NHERF4: variants seen among roughly 807,000 people sequenced by gnomAD.
NHERF4 encodes the protein NHERF family PDZ scaffold protein 4, also known as Na(+)/H(+) exchange regulatory cofactor NHE-RF4.
chr11:119,186,883 A>G, the NHERF4 span, among the ~76,000 whole-genome samples: 2 of 152,172 alleles, frequency 1.3e-5, no homozygotes, highest in East Asian at 1.9e-4. The surrounding 1 kb of genome is among the most constrained non-coding windows in gnomAD (Gnocchi z 4.4). Context: ...TCACGCCTGT[A>G]ATCCCAGCAC....
At chr11:119,187,432 G>A in the NHERF4 span, 2 of 1,613,966 alleles carry the variant, frequency 1.2e-6, no homozygotes, top group African/African-American at 2.7e-5. Flanking sequence ...GAAAGATGAG[G>A]GTGGTTTTGG....
At chr11:119,187,477 G>A in the NHERF4 span, 12 of 1,613,768 alleles carry the variant, frequency 7.4e-6, no homozygotes, top group Admixed American at 1.7e-5. Context: ...CAGAGGGTGC[G>A]AGGGGGCGGC....
chr11:119,185,858 A>C, the NHERF4 span: 1 of 1,607,004 alleles, frequency 6.2e-7, no homozygotes. Flanking sequence ...GTTTATGCCA[A>C]TGGAAGAGGC....
chr11:119,190,087 C>T, the NHERF4 span: 1 of 532,958 alleles, frequency 1.9e-6, no homozygotes, highest in Non-Finnish European at 3.2e-6. The surrounding 1 kb of genome is among the most constrained non-coding windows in gnomAD (Gnocchi z 4.2). Flanking sequence ...TCCTATCAAT[C>T]ACTGAATCTC....
the NHERF4 span, chr11:119,187,921 C>A: frequency 6.5e-7 from 1 of 1,530,310 alleles, no homozygotes; most frequent in South Asian, 1.2e-5. Flanking sequence ...TATACTGATG[C>A]CCTGCTGGGT....
At chr11:119,188,260 C>T in the NHERF4 span, 3 of 1,573,450 alleles carry the variant, frequency 1.9e-6, no homozygotes, top group Non-Finnish European at 2.6e-6. Flanking sequence ...TGGCCCTGGG[C>T]CGCCTCTTCC....
the NHERF4 span, chr11:119,186,065 G>A: frequency 6.2e-7 from 1 of 1,610,428 alleles, no homozygotes; most frequent in South Asian, 1.1e-5. The surrounding 1 kb of genome is among the most constrained non-coding windows in gnomAD (Gnocchi z 4.4). Context: ...CTGCCAGCTT[G>A]TACCTGCTTC....
the NHERF4 span, chr11:119,186,029 A>C: frequency 6.2e-7 from 1 of 1,611,718 alleles, no homozygotes; most frequent in Non-Finnish European, 8.5e-7. This position sits in a 1 kb window ranked among gnomAD's most constrained non-coding sequence, Gnocchi z 4.4. Context: ...TTAGCACCTA[A>C]AGGAGATCCT....
the NHERF4 span, chr11:119,189,366 A>T: frequency 6.5e-7 from 1 of 1,534,036 alleles, no homozygotes; most frequent in Non-Finnish European, 9.0e-7. This position sits in a 1 kb window ranked among gnomAD's most constrained non-coding sequence, Gnocchi z 5.8. Flanking sequence ...CGTGAAATAA[A>T]CCCCATTTCT....
the NHERF4 span, chr11:119,187,507 C>A: frequency 1.2e-6 from 2 of 1,612,910 alleles, no homozygotes; most frequent in African/African-American, 2.7e-5. Context: ...GGATCTCAGC[C>A]CCTGTTCAGG....
chr11:119,186,651 G>A, the NHERF4 span: 300 of 1,611,380 alleles, frequency 1.9e-4, no homozygotes, highest in Non-Finnish European at 1.2e-4. The surrounding 1 kb of genome is among the most constrained non-coding windows in gnomAD (Gnocchi z 4.4). Context: ...GGATCCTGGC[G>A]GTGAACAATG....
At chr11:119,188,694 C>T in the NHERF4 span, 7 of 1,614,030 alleles carry the variant, frequency 4.3e-6, no homozygotes, top group African/African-American at 5.3e-5. Flanking sequence ...CGCCTCGCCC[C>T]GGGGCAGCAG....
chr11:119,188,343 T>C, the NHERF4 span: 2 of 1,613,544 alleles, frequency 1.2e-6, no homozygotes, highest in Non-Finnish European at 1.7e-6. Flanking sequence ...AGTGAGGATG[T>C]CTATGCCCCA....
At chr11:119,187,780 G>C in the NHERF4 span, 1 of 1,461,664 alleles carries the variant, frequency 6.8e-7, no homozygotes, top group East Asian at 2.5e-5. Flanking sequence ...TTCCCCATGC[G>C]CCTAACCTCC....
At chr11:119,189,559 G>A in the NHERF4 span, 3 of 1,554,194 alleles carry the variant, frequency 1.9e-6, no homozygotes, top group African/African-American at 4.1e-5. The surrounding 1 kb of genome is among the most constrained non-coding windows in gnomAD (Gnocchi z 5.8). Flanking sequence ...CTGAGGTGGT[G>A]AAGGCAGGAT....
At chr11:119,186,147 G>A in the NHERF4 span, 28 of 1,613,916 alleles carry the variant, frequency 1.7e-5, no homozygotes, top group South Asian at 5.5e-5. This position sits in a 1 kb window ranked among gnomAD's most constrained non-coding sequence, Gnocchi z 4.4. Flanking sequence ...CTCCCTGGCC[G>A]AAGACCACGA....
At chr11:119,188,725 CAG>C in the NHERF4 span, 1 of 1,614,094 alleles carries the variant, frequency 6.2e-7, no homozygotes, top group East Asian at 2.2e-5. Flanking sequence ...CTGGTTGAGA[CAG>C]AGGACCCTTC....
the NHERF4 span, chr11:119,189,369 C>A: frequency 6.5e-7 from 1 of 1,540,836 alleles, no homozygotes; most frequent in South Asian, 1.1e-5. The surrounding 1 kb of genome is among the most constrained non-coding windows in gnomAD (Gnocchi z 5.8). Flanking sequence ...GAAATAAACC[C>A]CATTTCTGGG....
At chr11:119,190,140 G>C in the NHERF4 span, 3 of 667,066 alleles carry the variant, frequency 4.5e-6, no homozygotes, top group Admixed American at 3.1e-5. This position sits in a 1 kb window ranked among gnomAD's most constrained non-coding sequence, Gnocchi z 4.2. Context: ...CTGTATGACA[G>C]CCACTCCTAA....
Sources: allele counts gnomAD v4.1 joint callset (sites outside exome capture counted in the v4.1 genomes callset), GRCh38; gene constraint gnomAD v4.1.1; non-coding constraint Gnocchi (gnomAD v3.1); transcripts MANE v1.5; gene names NCBI Gene and HGNC (gene_info 2026-07-23, HGNC 2026-07-21).